Variants in SLC24A3 observed in about 807,000 individuals in gnomAD.
SLC24A3 encodes sodium/potassium/calcium exchanger 3.
SLC24A3 carries 28 observed loss-of-function variants against 75.8 expected under a neutral mutation model. The ratio of observed to expected loss-of-function variants is 0.37; its 90% CI spans 0.27 to 0.51. The LOEUF (loss-of-function observed/expected upper bound fraction) is 0.51. SLC24A3 is among the 20% of genes least tolerant of loss of function. The pLI is 0.94. For synonymous variants in SLC24A3, 372 were observed against 334.1 expected, an observed-to-expected ratio of 1.11 and a Z score of -1.24; for missense variants, 663 against 847.8, an observed-to-expected ratio of 0.78 and a Z score of 2.71.
intron 2 of SLC24A3, among the ~76,000 whole-genome samples, chr20:19,468,669 C>T (rs980302436): frequency 3.3e-5 from 5 of 152,120 alleles, no homozygotes; most frequent in African/African-American, 4.8e-5. Context: ...TGCTGGTGCC[C>T]GTTGGAGCTT....
chr20:19,641,505 C>T (rs1405831907), intron 6 of SLC24A3, among the ~76,000 whole-genome samples: 1 of 152,170 alleles, frequency 6.6e-6, no homozygotes, highest in Non-Finnish European at 1.5e-5. Flanking sequence ...AATCCTGAAG[C>T]ATGTACAAAA....
chr20:19,239,128 A>AAC (rs1432551010), intron 1 of SLC24A3, among the ~76,000 whole-genome samples: 14 of 151,502 alleles, frequency 9.2e-5, no homozygotes, highest in African/African-American at 3.4e-4. Flanking sequence ...TTTAAAAAAA[A>AAC]AAAAAAAAAA....
Position 19,700,332 on chromosome 20 carries a change from G to A in SLC24A3, c.1719+1652G>A, listed in dbSNP as rs756759681. Among the ~76,000 whole-genome samples the A allele has an allele frequency of 4.3e-4, 65 of 152,232 alleles. 1 individual carries two copies. The highest frequency in any genetic ancestry group is 6.8e-3 in the Middle Eastern group (2 of 294). ...GTCCATCCAGTGGTTCTACCATCTT[G>A]AAGTCCTTCTCCCATAGCTACACAG... is the stretch of plus-strand genomic sequence containing the variant. On this transcript the variant is annotated intron_variant, in intron 15 of 16. Coordinates refer to ENST00000328041, the MANE Select transcript of SLC24A3 (RefSeq NM_020689.4).
chr20:19,612,319 C>T (rs1034901934), intron 6 of SLC24A3, among the ~76,000 whole-genome samples: 5 of 152,116 alleles, frequency 3.3e-5, no homozygotes, highest in African/African-American at 9.7e-5. Flanking sequence ...TACTGCTAGA[C>T]GGGAGGAAGA....
intron 6 of SLC24A3, among the ~76,000 whole-genome samples, chr20:19,610,610 C>T (rs2031660024): frequency 6.6e-6 from 1 of 152,212 alleles, no homozygotes; most frequent in South Asian, 2.1e-4. Flanking sequence ...CTAGGAAACA[C>T]TGAGTGGGGA....
Position 19,595,769 on chromosome 20 carries a change from T to C in SLC24A3, c.612+10225T>C, listed in dbSNP as rs111302607. Among the ~76,000 whole-genome samples the C allele has an allele frequency of 5.9e-5, 9 of 152,172 alleles. 1 individual carries two copies. The highest frequency in any genetic ancestry group is 7.4e-5 in the Non-Finnish European group (5 of 67,984). Reference sequence around the variant, plus strand: ...ATCAGATAATAGAAGACAAAAGTTATTGATGGAAATGCATTGGGCAATGGG... The same window carrying C: ...ATCAGATAATAGAAGACAAAAGTTACTGATGGAAATGCATTGGGCAATGGG... On this transcript the variant is annotated intron_variant, in intron 6 of 16. Coordinates refer to ENST00000328041, the MANE Select transcript of SLC24A3 (RefSeq NM_020689.4).
At chr20:19,402,503 C>T (rs1490739688) in intron 2 of SLC24A3, among the ~76,000 whole-genome samples, 2 of 152,146 alleles carry the variant, frequency 1.3e-5, no homozygotes, top group African/African-American at 4.8e-5. Context: ...AGGCCATGTC[C>T]TCAACAAGAA....
intron 1 of SLC24A3, among the ~76,000 whole-genome samples, chr20:19,268,166 C>G (rs1040993566): frequency 6.6e-6 from 1 of 152,176 alleles, no homozygotes; most frequent in Non-Finnish European, 1.5e-5. Flanking sequence ...GGCACCAGGT[C>G]CATCCTGTGC....
chr20:19,448,053 T>C (rs985721286), intron 2 of SLC24A3, among the ~76,000 whole-genome samples: 1 of 152,222 alleles, frequency 6.6e-6, no homozygotes. Context: ...TGGATTTAGC[T>C]TTTCCGGCCT....
intron 3 of SLC24A3, among the ~76,000 whole-genome samples, chr20:19,560,213 A>G (rs2030853899): frequency 6.6e-6 from 1 of 152,142 alleles, no homozygotes; most frequent in East Asian, 1.9e-4. Flanking sequence ...AGCTGATAAC[A>G]CTGAGGACAA....
intron 3 of SLC24A3, among the ~76,000 whole-genome samples, chr20:19,534,201 T>C (rs1396406549): frequency 1.3e-5 from 2 of 152,248 alleles, no homozygotes; most frequent in Non-Finnish European, 2.9e-5. Context: ...GCCGTGTGGT[T>C]TGTCTACTCT....
chr20:19,614,542 C>A (rs2031711752), intron 6 of SLC24A3, among the ~76,000 whole-genome samples: 1 of 152,192 alleles, frequency 6.6e-6, no homozygotes, highest in Non-Finnish European at 1.5e-5. Flanking sequence ...GCTTTGGATC[C>A]CATTCCACCG....
intron 6 of SLC24A3, among the ~76,000 whole-genome samples, chr20:19,611,859 T>C (rs974251159): frequency 6.6e-6 from 1 of 152,182 alleles, no homozygotes; most frequent in African/African-American, 2.4e-5. Context: ...CTCCTTTACA[T>C]AAAGCAGCCT....
In SLC24A3 at chr20:19,623,569, A is replaced by G. The variant is rs115340680; in HGVS notation, c.613-30493A>G. Among the ~76,000 whole-genome samples, 846 of 152,262 alleles carry G rather than the reference A, an allele frequency of 5.6e-3. 6 individuals are homozygous for G. Among genetic ancestry groups the G allele is most frequent in the African/African-American group, 0.017 (690 of 41,536 alleles). On this transcript the variant is annotated intron_variant, in intron 6 of 16. Coordinates refer to ENST00000328041, the MANE Select transcript of SLC24A3 (RefSeq NM_020689.4). ...CCACTAGCCACATATGGCCACCCAA[A>G]CTTAAATTAATTATTTTTTAATTAA... is the stretch of plus-strand genomic sequence containing the variant.
chr20:19,287,786 A>G (rs1223928431), intron 2 of SLC24A3, among the ~76,000 whole-genome samples: 2 of 152,374 alleles, frequency 1.3e-5, no homozygotes, highest in Non-Finnish European at 2.9e-5. Context: ...AGATGAAGTC[A>G]TTTGGCAATT....
chr20:19,222,468 T>A (rs1433991805), intron 1 of SLC24A3, among the ~76,000 whole-genome samples: 2 of 152,172 alleles, frequency 1.3e-5, no homozygotes, highest in African/African-American at 4.8e-5. Context: ...ATGCTTCATA[T>A]CTCAAGTTTT....
intron 2 of SLC24A3, among the ~76,000 whole-genome samples, chr20:19,418,306 G>C (rs530641493): frequency 6.6e-6 from 1 of 152,258 alleles, no homozygotes; most frequent in South Asian, 2.1e-4. Flanking sequence ...ACAGCATGCT[G>C]TATAAAAAGA....
chr20:19,446,166 G>T (rs759689652), intron 2 of SLC24A3, among the ~76,000 whole-genome samples: 1 of 152,172 alleles, frequency 6.6e-6, no homozygotes, highest in Non-Finnish European at 1.5e-5. Context: ...GAAGGGAAAG[G>T]CTGTAATGGC....
intron 2 of SLC24A3, among the ~76,000 whole-genome samples, chr20:19,312,532 T>C (rs551238655): frequency 6.6e-6 from 1 of 152,310 alleles, no homozygotes; most frequent in South Asian, 2.1e-4. Flanking sequence ...TAACTGACCA[T>C]TGTGAACAAG....
Sources: allele counts gnomAD v4.1 joint callset (sites outside exome capture counted in the v4.1 genomes callset), GRCh38; gene constraint gnomAD v4.1.1; transcripts MANE v1.5; gene names NCBI Gene and HGNC (gene_info 2026-07-23, HGNC 2026-07-21).